The following ELMO1 variants were observed in gnomAD, a reference collection of about 807,000 sequenced individuals.
ELMO1 encodes the protein engulfment and cell motility protein 1.
In ELMO1, 26 loss-of-function variants were observed where a neutral mutation model predicts 98.9. The ratio of observed to expected loss-of-function variants is 0.26; its 90% CI spans 0.19 to 0.36. The LOEUF is 0.36. ELMO1 is among the 10% of genes least tolerant of loss of function. ELMO1 has a pLI of 1.00. For missense variants in ELMO1, 627 were observed against 935.2 expected (o/e 0.67, Z 4.30); for synonymous variants, 346 against 346.0 (o/e 1.00, Z 0.00).
intron 15 of ELMO1, among the ~76,000 whole-genome samples, chr7:37,045,400 G>A (rs770876104): frequency 1.3e-5 from 2 of 152,142 alleles, no homozygotes; most frequent in Non-Finnish European, 2.9e-5. Flanking sequence ...CCTTTTAGTG[G>A]TATAAGATTC....
At chr7:36,949,665 C>G (rs1414999617) in intron 16 of ELMO1, among the ~76,000 whole-genome samples, 1 of 152,080 alleles carries the variant, frequency 6.6e-6, no homozygotes, top group African/African-American at 2.4e-5. Flanking sequence ...GCCCCCCACC[C>G]CCAACCAAAT....
At chr7:36,881,663 G>C (rs556779367) in intron 18 of ELMO1, among the ~76,000 whole-genome samples, 1 of 152,094 alleles carries the variant, frequency 6.6e-6, no homozygotes, top group Non-Finnish European at 1.5e-5. Flanking sequence ...TCTTGCGTGC[G>C]TGTGCGTGTG....
intron 1 of ELMO1, among the ~76,000 whole-genome samples, chr7:37,417,328 A>T (rs1420529260): frequency 1.3e-5 from 2 of 152,140 alleles, no homozygotes; most frequent in African/African-American, 2.4e-5. Context: ...ACCCACTAGG[A>T]CTGTTATCTT....
intron 1 of ELMO1, among the ~76,000 whole-genome samples, chr7:37,350,041 C>A (rs1476909403): frequency 6.6e-6 from 1 of 151,940 alleles, no homozygotes; most frequent in Admixed American, 6.6e-5. Context: ...GTCCCCCCAC[C>A]TGCCCTACAC....
At chr7:37,426,647 G>A (rs564806749) in intron 1 of ELMO1, among the ~76,000 whole-genome samples, 6 of 152,136 alleles carry the variant, frequency 3.9e-5, no homozygotes, top group African/African-American at 1.4e-4. Context: ...TCACCAACAG[G>A]TAAACTCTGG....
intron 4 of ELMO1, among the ~76,000 whole-genome samples, chr7:37,292,497 A>G: frequency 1.9e-5 from 1 of 52,562 alleles, no homozygotes; most frequent in Non-Finnish European, 5.6e-5. Context: ...CCATCTAGGA[A>G]GTGAGGAGCG....
intron 16 of ELMO1, among the ~76,000 whole-genome samples, chr7:36,956,805 T>C (rs1481733491): frequency 1.3e-5 from 2 of 151,500 alleles, no homozygotes; most frequent in Non-Finnish European, 2.9e-5. Flanking sequence ...AATGAGTAAA[T>C]AATCAGTAGC....
intron 21 of ELMO1, among the ~76,000 whole-genome samples, chr7:36,857,767 T>C (rs1279656927): frequency 6.6e-6 from 1 of 152,074 alleles, no homozygotes; most frequent in African/African-American, 2.4e-5. Flanking sequence ...TGCATCGTGG[T>C]GTGCAATGAC....
intron 13 of ELMO1, among the ~76,000 whole-genome samples, chr7:37,181,773 T>TAA (rs1482169296): frequency 6.6e-6 from 1 of 152,224 alleles, no homozygotes; most frequent in African/African-American, 2.4e-5. Context: ...GTCAGCTGAC[T>TAA]AAAGTCAGTA....
Position 37,333,566 on chromosome 7 carries a change from T to A in ELMO1, c.78+9047A>T, listed in dbSNP as rs140561647. Among the ~76,000 whole-genome samples the A allele has an allele frequency of 1.1e-3, 174 of 152,346 alleles. 1 individual carries two copies. The highest frequency in any genetic ancestry group is 1.9e-3 in the Non-Finnish European group (128 of 68,028). On this transcript the variant is annotated intron_variant, in intron 2 of 21. Coordinates refer to ENST00000310758, the MANE Select transcript of ELMO1 (RefSeq NM_014800.11). The stretch of plus-strand genomic sequence containing the variant: ...CTCAGCTCAGTTAAAGGGAGAGATA[T>A]GTTTGCTGTGTTTTTCTTCAAAAAC...
At chr7:37,352,928 C>T (rs1354468992) in intron 1 of ELMO1, 1 of 152,216 alleles carries the variant, frequency 6.6e-6, no homozygotes, top group African/African-American at 2.4e-5. Flanking sequence ...CAGCCTGCAT[C>T]CAGGTACCAC....
intron 13 of ELMO1, among the ~76,000 whole-genome samples, chr7:37,189,109 A>C (rs978021035): frequency 3.9e-5 from 6 of 152,252 alleles, no homozygotes; most frequent in African/African-American, 1.4e-4. Context: ...ACATTCAAAA[A>C]TAAGAAATTG....
intron 7 of ELMO1, among the ~76,000 whole-genome samples, chr7:37,242,151 C>T (rs932649181): frequency 6.6e-6 from 1 of 152,110 alleles, no homozygotes; most frequent in African/African-American, 2.4e-5. Context: ...AGGTCAAGTA[C>T]TCATTATTCA....
At chr7:37,331,025 G>C (rs1267271898) in intron 2 of ELMO1, among the ~76,000 whole-genome samples, 4 of 152,134 alleles carry the variant, frequency 2.6e-5, no homozygotes, top group Non-Finnish European at 4.4e-5. Flanking sequence ...GACAAAGCAG[G>C]ATAATGCAAG....
At chr7:37,209,013 A>C (rs1276299489) in intron 13 of ELMO1, among the ~76,000 whole-genome samples, 3 of 152,102 alleles carry the variant, frequency 2.0e-5, no homozygotes, top group African/African-American at 4.8e-5. Flanking sequence ...TTTCAGTTAA[A>C]AAAAAAAAAC....
chr7:37,137,399 A>C (rs999980771), intron 13 of ELMO1, among the ~76,000 whole-genome samples: 13 of 152,318 alleles, frequency 8.5e-5, no homozygotes, highest in Middle Eastern at 3.4e-3. Flanking sequence ...CAATGGACTT[A>C]AACTATACCC....
At chr7:37,440,615 A>G (rs933897819) in intron 1 of ELMO1, among the ~76,000 whole-genome samples, 3 of 151,866 alleles carry the variant, frequency 2.0e-5, no homozygotes, top group African/African-American at 7.3e-5. Context: ...ATAAAAATAC[A>G]AAAATTAGCC....
At chr7:37,270,672 G>A (rs112764859) in intron 5 of ELMO1, 7 of 152,242 alleles carry the variant, frequency 4.6e-5, no homozygotes, top group African/African-American at 1.4e-4. Context: ...AAGCAAGTAG[G>A]AAAGACCAAG....
chr7:36,914,805 C>T (rs1784577194), intron 16 of ELMO1, among the ~76,000 whole-genome samples: 1 of 152,158 alleles, frequency 6.6e-6, no homozygotes, highest in Non-Finnish European at 1.5e-5. Flanking sequence ...AGCCACCGCA[C>T]CCAGCCGAAA....
Sources: gnomAD v4.1 joint callset for allele counts (sites outside exome capture counted in the v4.1 genomes callset) on GRCh38, gnomAD v4.1.1 for gene constraint, MANE v1.5 for transcripts, NCBI Gene and HGNC (gene_info 2026-07-23, HGNC 2026-07-21) for gene names.